NSD1: variants seen among roughly 807,000 people sequenced by gnomAD.
The protein encoded by NSD1 is nuclear receptor binding SET domain protein 1.
In NSD1, 26 loss-of-function variants were observed where a neutral mutation model predicts 242.7. That is an observed-to-expected ratio of 0.11 (90% CI 0.08 to 0.15). The LOEUF (loss-of-function observed/expected upper bound fraction) is 0.15. NSD1 is among the 10% of genes least tolerant of loss of function. NSD1 has a pLI of 1.00. For synonymous variants in NSD1, 1,106 were observed against 1,178.1 expected (o/e 0.94, Z 1.25); for missense variants, 2,495 against 3,272.8 (o/e 0.76, Z 5.80).
chr5:177,213,275 ATAG>A (rs1452655591), intron 5 of NSD1, among the ~76,000 whole-genome samples: 2 of 152,216 alleles, frequency 1.3e-5, no homozygotes, highest in African/African-American at 4.8e-5. Flanking sequence ...ACTGTGTATC[ATAG>A]TAGATTTTTC....
chr5:177,215,795 C>A (rs1201275176), intron 5 of NSD1, among the ~76,000 whole-genome samples: 1 of 152,114 alleles, frequency 6.6e-6, no homozygotes, highest in Non-Finnish European at 1.5e-5. Context: ...ACCCGGCCTA[C>A]TTTTAATTTG....
Position 177,298,735 on chromosome 5 carries a change from C to G in NSD1, c.*3276C>G, listed in dbSNP as rs1760399792. ...CTGTCTGCTCACTGGAGCCGGACTC[C>G]CAGGTTGTAATTCTAATGTTGCCTC... is the stretch of plus-strand genomic sequence containing the variant. On this transcript the variant is annotated 3_prime_UTR_variant, in exon 23 of 23. Coordinates refer to ENST00000439151, the MANE Select transcript of NSD1 (RefSeq NM_022455.5). 1 of 233,150 alleles carries G rather than the reference C, an allele frequency of 4.3e-6. No homozygotes were observed. Among genetic ancestry groups the G allele is most frequent in the Non-Finnish European group, 8.5e-6 (1 of 118,054 alleles). The allele number at this position is 233,150 out of a possible 1,614,324, so 14.4% of individuals were successfully genotyped here.
Position 177,191,903 on chromosome 5 carries a change from C to G in NSD1, c.947C>G (p.Ser316Cys). 2.5e-6 allele frequency: 4 copies of G among 1,614,100 alleles called. No homozygotes were observed. Among genetic ancestry groups the G allele is most frequent in the Non-Finnish European group, 3.4e-6 (4 of 1,179,994 alleles). Residue 316 changes from serine (S) to cysteine (C), a missense_variant, in exon 3 of 23, where the codon TCT (serine) becomes TGT (cysteine). Physicochemically the swap from Ser to Cys is moderately radical, Grantham distance 112. This residue lies in a region of NSD1 where 376 missense variants were observed against 367.4 expected (regional missense o/e 1.02). Coordinates refer to ENST00000439151, the MANE Select transcript of NSD1 (RefSeq NM_022455.5). ...CTAAAGTGTCAACCTAAGAAAAAGTCTACGCCACTGAAGTATGAAGTTGGA... is the reference window on the plus strand; with the variant it reads ...CTAAAGTGTCAACCTAAGAAAAAGTGTACGCCACTGAAGTATGAAGTTGGA... ...ELPFCQPKKK[S>C]TPLKYEVGDL... is the part of the protein sequence containing the mutation.
chr5:177,159,559 C>CAGGAGTAATTTTATTCTCCCAA, intron 2 of NSD1, among the ~76,000 whole-genome samples: 1 of 150,820 alleles, frequency 6.6e-6, no homozygotes, highest in Non-Finnish European at 1.5e-5. Context: ...GCTGAGATTA[C>CAGGAGTAATTTTATTCTCCCAA]ATGCATGAGC....
chr5:177,257,228 CTTT>C (rs373383515), intron 13 of NSD1, 77 bp downstream of exon 13: 9,235 of 717,754 alleles, frequency 0.013, no homozygotes, highest in Non-Finnish European at 0.015. Context: ...TTTTTTCTTT[CTTT>C]TTTTTTTTTT....
At chr5:177,132,089 GA>G (rs565268673), upstream of NSD1, among the ~76,000 whole-genome samples, 154 of 152,326 alleles carry the variant, frequency 1.0e-3, 1 homozygote, top group African/African-American at 3.4e-3. The surrounding 1 kb of genome is among the most constrained non-coding windows in gnomAD (Gnocchi z 7.5). Context: ...GGTCGTGCTA[GA>G]TTCGGTGCTG....
chr5:177,243,483 C>T (rs1476264265), intron 8 of NSD1, among the ~76,000 whole-genome samples: 1 of 152,218 alleles, frequency 6.6e-6, no homozygotes, highest in African/African-American at 2.4e-5. Context: ...CAGGCATGGG[C>T]CACTGCACCC....
At chr5:177,132,775 CG>C (rs1045930403), upstream of NSD1, among the ~76,000 whole-genome samples, 1 of 151,482 alleles carries the variant, frequency 6.6e-6, no homozygotes, top group African/African-American at 2.4e-5. This position sits in a 1 kb window ranked among gnomAD's most constrained non-coding sequence, Gnocchi z 7.5. Flanking sequence ...CCGCTCACCC[CG>C]CACGGCCCGG....
chr5:177,211,321 C>T lies in NSD1; in HGVS notation c.2922C>T (p.Asn974=), dbSNP rs764975699. 5 of 1,614,172 alleles carry T rather than the reference C, an allele frequency of 3.1e-6. No individual in the cohort carries two copies. In the South Asian group the frequency reaches 4.4e-5, roughly 14 times the overall value. The change falls in exon 5 of 23, where the codon AAC becomes AAT. Residue 974 remains asparagine (N), a synonymous_variant. Coordinates refer to ENST00000439151, the MANE Select transcript of NSD1 (RefSeq NM_022455.5). ...NSEKKGDGTQ[N]SANPSPSGGD... The stretch of plus-strand genomic sequence containing the variant: ...AGAAAAAGGGAGATGGCACTCAGAA[C>T]TCCGCCAATCCTAGCCCTAGTGGGG...
chr5:177,238,244 C>T lies in NSD1; in HGVS notation c.3929C>T (p.Ser1310Phe). The T allele has an allele frequency of 1.2e-6, 2 of 1,614,038 alleles. No individual in the cohort carries two copies. The highest frequency in any genetic ancestry group is 8.5e-7 in the Non-Finnish European group (1 of 1,180,028). The change falls in exon 7 of 23, where the codon TCC becomes TTC. Residue 1310 changes from serine to phenylalanine, a missense_variant. Ser to Phe is a radical substitution (Grantham distance 155, BLOSUM62 -2). Transcript: ENST00000439151. The surrounding 1 kb of genome is among the most constrained non-coding windows in gnomAD (Gnocchi z 4.6). ...KVQEQVHKVS[S>F]RCEEESLLAR... ...TTTATTTTTTGTTCTTAGGTAAGTT[C>T]CCGCTGTGAAGAGGAAAGCCTTCTA...
At position 177,269,994 on chromosome 5, in the gene NSD1, C is replaced by A. The variant is rs1373071180; in HGVS notation, c.5509+187C>A. Reference sequence around the variant, plus strand: ...TAACTCATTATTTTTGAGCCTTAACCTTTACTTAATTTGAATTTCCTTGAG... The same window carrying A: ...TAACTCATTATTTTTGAGCCTTAACATTTACTTAATTTGAATTTCCTTGAG... On this transcript the variant is annotated intron_variant, in intron 16 of 22. Coordinates refer to ENST00000439151, the MANE Select transcript of NSD1 (RefSeq NM_022455.5). This position sits in a 1 kb window ranked among gnomAD's most constrained non-coding sequence, Gnocchi z 5.1. 6.6e-6 allele frequency among the ~76,000 whole-genome samples: 1 copy of A among 152,178 alleles called. No individual in the cohort carries two copies. Among genetic ancestry groups the A allele is most frequent in the Non-Finnish European group, 1.5e-5 (1 of 68,024 alleles).
chr5:177,256,867 ATTTCTTATGAACT>A, intron 12 of NSD1, 71 bp from the exon 13 acceptor site: 1 of 1,163,244 alleles, frequency 8.6e-7, no homozygotes, highest in Non-Finnish European at 1.3e-6. Flanking sequence ...CCATTATAAA[ATTTCTTATGAACT>A]TTTCACCTAA....
chr5:177,269,792 G>T lies in NSD1; in HGVS notation c.5494G>T (p.Gly1832Trp). ...SKDKMGKGVD[G>W]TYKKALQEAA... is the part of the protein sequence containing the mutation. ...GGATAAGATGGGCAAAGGAGTGGAT[G>T]GGACATATAAAAAAGGTAACTTTAT... The change falls in exon 16 of 23, where the codon GGG (glycine) becomes TGG (tryptophan). Residue 1832 changes from glycine (G) to tryptophan (W), a missense_variant. Physicochemically the swap from Gly to Trp is radical, Grantham distance 184. Coordinates refer to ENST00000439151, the MANE Select transcript of NSD1 (RefSeq NM_022455.5). The surrounding 1 kb of genome is among the most constrained non-coding windows in gnomAD (Gnocchi z 5.1). 6.2e-7 allele frequency: 1 copy of T among 1,611,876 alleles called. No homozygotes were observed. The highest frequency in any genetic ancestry group is 1.3e-5 in the African/African-American group (1 of 74,900).
chr5:177,209,590 C>G, intron 4 of NSD1, 46 bp from the exon 5 acceptor site: 2 of 1,420,128 alleles, frequency 1.4e-6, no homozygotes, highest in Non-Finnish European at 2.0e-6. Flanking sequence ...TTTCCCCCAC[C>G]CATTTCTTTG....
chr5:177,157,066 A>G (rs1758199100), intron 2 of NSD1, among the ~76,000 whole-genome samples: 1 of 152,096 alleles, frequency 6.6e-6, no homozygotes. Context: ...TACTAATTGC[A>G]TTTTAAAAAT....
At position 177,210,573 on chromosome 5, in the gene NSD1, C is replaced by G. The variant is rs774810620; in HGVS notation, c.2174C>G (p.Thr725Arg). 9 of 1,613,952 alleles carry G rather than the reference C, an allele frequency of 5.6e-6. No individual in the cohort carries two copies. The highest frequency in any genetic ancestry group is 6.8e-6 in the Non-Finnish European group (8 of 1,180,010). The change falls in exon 5 of 23, where the codon ACG (threonine) becomes AGG (arginine). Residue 725 changes from threonine to arginine, a missense_variant. Around this residue, in one of 19 missense-constraint regions of NSD1, gnomAD observed 515 missense variants for 467.0 expected, o/e 1.10. Coordinates refer to ENST00000439151, the MANE Select transcript of NSD1 (RefSeq NM_022455.5). ...CTKSAEPGTE[T>R]SQVNLSDLKA... ...AAGAGTGCAGAGCCTGGAACCGAGACGTCTCAGGTTAATCTCTCTGATCTG... is the reference window on the plus strand; with the variant it reads ...AAGAGTGCAGAGCCTGGAACCGAGAGGTCTCAGGTTAATCTCTCTGATCTG...
At chr5:177,207,930 G>A (rs1435723559) in intron 4 of NSD1, among the ~76,000 whole-genome samples, 2 of 151,378 alleles carry the variant, frequency 1.3e-5, no homozygotes, top group East Asian at 3.9e-4. Flanking sequence ...GTGCGTGTGT[G>A]TGTGTGTGTT....
chr5:177,239,217 G>A (rs996997220), intron 7 of NSD1, among the ~76,000 whole-genome samples: 1 of 152,136 alleles, frequency 6.6e-6, no homozygotes, highest in African/African-American at 2.4e-5. Flanking sequence ...GCTTAAACTA[G>A]TTGGGTATAA....
At chr5:177,175,946 G>A (rs1443025940) in intron 2 of NSD1, among the ~76,000 whole-genome samples, 1 of 151,854 alleles carries the variant, frequency 6.6e-6, no homozygotes, top group Non-Finnish European at 1.5e-5. Flanking sequence ...CGCCATCTCG[G>A]CTCACTGCAA....
Sources: gnomAD v4.1 joint callset for allele counts (sites outside exome capture counted in the v4.1 genomes callset) on GRCh38, gnomAD v4.1.1 for gene constraint, gnomAD v4.1.1 regional missense constraint, Gnocchi (gnomAD v3.1) non-coding constraint, MANE v1.5 for transcripts, NCBI Gene and HGNC (gene_info 2026-07-23, HGNC 2026-07-21) for gene names.